BCKDHB: variants seen among roughly 807,000 people sequenced by gnomAD.
BCKDHB encodes the protein 2-oxoisovalerate dehydrogenase subunit beta, mitochondrial.
Under a neutral mutation model 48.5 loss-of-function variants are expected in BCKDHB, and 41 were observed. The ratio of observed to expected loss-of-function variants is 0.85; its 90% CI spans 0.66 to 1.10. The LOEUF is 1.10. BCKDHB is among the 50% of genes least tolerant of loss of function. BCKDHB has a pLI of 0.00. For missense variants in BCKDHB, 496 were observed against 494.2 expected (o/e 1.00, Z -0.03); for synonymous variants, 201 against 174.8 (o/e 1.15, Z -1.18).
At chr6:80,447,264 C>A in the BCKDHB span, among the ~76,000 whole-genome samples, 2 of 152,018 alleles carry the variant, frequency 1.3e-5, no homozygotes, top group South Asian at 4.2e-4. Flanking sequence ...CTGTGAGGAT[C>A]AGATGCATGA....
chr6:80,291,439 A>C (rs777423576), intron 9 of BCKDHB, among the ~76,000 whole-genome samples: 21 of 152,356 alleles, frequency 1.4e-4, no homozygotes, highest in Admixed American at 2.6e-4. Context: ...GAAAACATTC[A>C]GTAAGACTAT....
the BCKDHB span, among the ~76,000 whole-genome samples, chr6:80,367,292 A>G: frequency 6.6e-6 from 1 of 152,152 alleles, no homozygotes; most frequent in African/African-American, 2.4e-5. Flanking sequence ...AATTATTAGA[A>G]TAAATTTTAC....
chr6:80,257,230 C>A (rs1177245880), intron 8 of BCKDHB, among the ~76,000 whole-genome samples: 2 of 151,992 alleles, frequency 1.3e-5, no homozygotes, highest in Non-Finnish European at 2.9e-5. Flanking sequence ...TGGGCTGATT[C>A]ACCACTTTTG....
the BCKDHB span, among the ~76,000 whole-genome samples, chr6:80,436,147 CT>C: frequency 4.5e-4 from 32 of 70,370 alleles, no homozygotes; most frequent in South Asian, 1.6e-3. Flanking sequence ...AAATTCTTTT[CT>C]TTTTTTTTTT....
intron 9 of BCKDHB, among the ~76,000 whole-genome samples, chr6:80,341,494 C>T (rs758461790): frequency 4.6e-5 from 7 of 152,184 alleles, no homozygotes; most frequent in Non-Finnish European, 1.0e-4. Context: ...AGATGTTTTT[C>T]TATGCTCGTG....
chr6:80,372,953 A>T, the BCKDHB span, among the ~76,000 whole-genome samples: 1 of 152,078 alleles, frequency 6.6e-6, no homozygotes, highest in Non-Finnish European at 1.5e-5. Flanking sequence ...TTAAGGTGAT[A>T]CTGGCTTCAT....
intron 8 of BCKDHB, among the ~76,000 whole-genome samples, chr6:80,214,583 G>C (rs1351970939): frequency 1.3e-5 from 2 of 152,204 alleles, no homozygotes; most frequent in Non-Finnish European, 2.9e-5. Flanking sequence ...GGTTGGGATG[G>C]AAAGGGAGCT....
intron 6 of BCKDHB, among the ~76,000 whole-genome samples, chr6:80,184,159 G>C (rs565995087): frequency 2.0e-5 from 3 of 152,136 alleles, no homozygotes; most frequent in Non-Finnish European, 2.9e-5. Context: ...TTAGGATTGT[G>C]ATATTTTCCT....
At chr6:80,163,210 T>A (rs914676315) in intron 3 of BCKDHB, among the ~76,000 whole-genome samples, 3 of 152,028 alleles carry the variant, frequency 2.0e-5, no homozygotes, top group African/African-American at 7.2e-5. Context: ...TGGCTTCTTC[T>A]CTCTTTTATA....
intron 8 of BCKDHB, among the ~76,000 whole-genome samples, chr6:80,222,690 G>A (rs1775513171): frequency 6.6e-6 from 1 of 152,002 alleles, no homozygotes; most frequent in Admixed American, 6.6e-5. Context: ...CCTTAGTGTT[G>A]TAATTTTTAA....
chr6:80,174,424 A>G (rs373190539), intron 6 of BCKDHB, among the ~76,000 whole-genome samples: 2 of 152,090 alleles, frequency 1.3e-5, no homozygotes, highest in African/African-American at 4.8e-5. Context: ...CAATACCAAA[A>G]TCCAGAGCAT....
At chr6:80,220,285 T>C (rs1442722712) in intron 8 of BCKDHB, among the ~76,000 whole-genome samples, 1 of 149,866 alleles carries the variant, frequency 6.7e-6, no homozygotes, top group Non-Finnish European at 1.5e-5. Flanking sequence ...TACTCAGTTA[T>C]TTTTGTATCA....
intron 9 of BCKDHB, among the ~76,000 whole-genome samples, chr6:80,290,872 T>C (rs975237017): frequency 5.3e-5 from 8 of 152,214 alleles, no homozygotes; most frequent in African/African-American, 1.7e-4. Context: ...TATTTATGCC[T>C]CCCCTTTTTA....
chr6:80,462,448 C>T, the BCKDHB span, among the ~76,000 whole-genome samples: 1 of 152,150 alleles, frequency 6.6e-6, no homozygotes, highest in Non-Finnish European at 1.5e-5. Context: ...AGTCACTAAG[C>T]ATCAGATGAG....
chr6:80,438,552 C>T, the BCKDHB span, among the ~76,000 whole-genome samples: 1 of 152,156 alleles, frequency 6.6e-6, no homozygotes, highest in African/African-American at 2.4e-5. Context: ...ATAACAATTA[C>T]ATTTCACACT....
intron 6 of BCKDHB, among the ~76,000 whole-genome samples, chr6:80,200,459 G>C (rs74614428): frequency 1.3e-5 from 2 of 152,084 alleles, no homozygotes; most frequent in Admixed American, 6.5e-5. Context: ...ATTGATCTGA[G>C]AACTTAATTC....
chr6:80,225,620 TTGTATC>T (rs1300867841), intron 8 of BCKDHB, among the ~76,000 whole-genome samples: 1 of 152,212 alleles, frequency 6.6e-6, no homozygotes, highest in African/African-American at 2.4e-5. Flanking sequence ...TTAGAGTACT[TTGTATC>T]TGTGAAAGAT....
At position 80,297,291 on chromosome 6, in the gene BCKDHB, CTTTAT is replaced by C. The variant is rs540976938; in HGVS notation, c.1038+24074_1038+24078del. ...CCAAATGTTTAAATTTTGAAGATATCTTTATTTTGTCAATAATTTTTGAAACTGCC... is the reference window on the plus strand; with the variant it reads ...CCAAATGTTTAAATTTTGAAGATATCTTTGTCAATAATTTTTGAAACTGCC... On this transcript the variant is annotated intron_variant, in intron 9 of 9. Coordinates refer to ENST00000320393, the MANE Select transcript of BCKDHB (RefSeq NM_183050.4). Among the ~76,000 whole-genome samples, 34 of 152,268 alleles carry C rather than the reference CTTTAT, an allele frequency of 2.2e-4. No homozygotes were observed. The East Asian group carries it at 6.0e-3, about 27-fold the overall frequency.
intron 3 of BCKDHB, among the ~76,000 whole-genome samples, chr6:80,151,108 G>A (rs192985965): frequency 1.3e-5 from 2 of 152,216 alleles, no homozygotes; most frequent in East Asian, 3.9e-4. Flanking sequence ...CTATACAATG[G>A]AATATTATTA....
Sources: allele counts gnomAD v4.1 joint callset (sites outside exome capture counted in the v4.1 genomes callset), GRCh38; gene constraint gnomAD v4.1.1; transcripts MANE v1.5; gene names NCBI Gene and HGNC (gene_info 2026-07-23, HGNC 2026-07-21).